The following NEB variants were observed in gnomAD, a reference collection of about 807,000 sequenced individuals.
The protein encoded by NEB is nebulin, also known as nemaline myopathy type 2.
In NEB, 512 loss-of-function variants were observed where a neutral mutation model predicts 952.2. The ratio of observed to expected loss-of-function variants is 0.54; its 90% CI spans 0.50 to 0.58. The LOEUF is 0.58. NEB is among the 20% of genes least tolerant of loss of function. The pLI is 0.00. For missense variants in NEB, 8,428 were observed against 9,231.1 expected (o/e 0.91, Z 3.56); for synonymous variants, 2,900 against 3,149.8 (o/e 0.92, Z 2.66).
At chr2:151,698,040 C>G (rs1035246858) in intron 13 of NEB, among the ~76,000 whole-genome samples, 1 of 151,476 alleles carries the variant, frequency 6.6e-6, no homozygotes, top group African/African-American at 2.4e-5. Flanking sequence ...CACTCCAGCC[C>G]GGGCGACAAT....
chr2:151,669,668 C>T (rs1443521299), intron 38 of NEB, among the ~76,000 whole-genome samples: 1 of 152,002 alleles, frequency 6.6e-6, no homozygotes, highest in Non-Finnish European at 1.5e-5. Flanking sequence ...GGGGGTGGAG[C>T]AGTATTAGAC....
intron 16 of NEB, 62 bp downstream of exon 16, chr2:151,697,086 A>G: frequency 7.9e-7 from 1 of 1,263,934 alleles, no homozygotes; most frequent in Non-Finnish European, 1.1e-6. Context: ...CATTTTAAAC[A>G]TATCCTGACC....
chr2:151,556,322 C>T (rs2095646445), intron 124 of NEB, among the ~76,000 whole-genome samples: 1 of 152,140 alleles, frequency 6.6e-6, no homozygotes. Context: ...CTAGCAGTCA[C>T]TACTCTTCTG....
At chr2:151,681,246 G>C (rs1163493166) in intron 29 of NEB, among the ~76,000 whole-genome samples, 1 of 152,210 alleles carries the variant, frequency 6.6e-6, no homozygotes, top group Non-Finnish European at 1.5e-5. Context: ...TCAGCAAATG[G>C]CATCAAGAAG....
intron 46 of NEB, among the ~76,000 whole-genome samples, chr2:151,659,830 C>T (rs1427035566): frequency 6.6e-6 from 1 of 152,102 alleles, no homozygotes; most frequent in Non-Finnish European, 1.5e-5. Context: ...ATATTTGAAC[C>T]TTCTTAAAAT....
chr2:151,502,676 G>A lies in NEB; in HGVS notation c.23928+117C>T, dbSNP rs932885315. ...AAATTAGATTTGGGTTGAAAACTGA[G>A]GTAATATTTGGTATCATTATTTTCA... is the stretch of plus-strand genomic sequence containing the variant. On this transcript the variant is annotated intron_variant, in intron 167 of 181. Coordinates refer to ENST00000397345, the MANE Select transcript of NEB (RefSeq NM_001164508.2). The A allele has an allele frequency of 7.3e-6, 5 of 680,880 alleles. No homozygotes were observed. In the Admixed American group the frequency reaches 7.5e-5, roughly 10 times the overall value. The allele number at this position is 680,880 out of a possible 1,614,324, so 42.2% of individuals were successfully genotyped here.
intron 153 of NEB, among the ~76,000 whole-genome samples, chr2:151,522,524 G>A (rs1576109408): frequency 6.6e-6 from 1 of 152,186 alleles, no homozygotes; most frequent in Admixed American, 6.5e-5. Context: ...CCTATTCCAA[G>A]TGGTATGTTC....
chr2:151,568,805 C>T, intron 110 of NEB, 89 bp from the exon 111 acceptor site: 1 of 918,708 alleles, frequency 1.1e-6, no homozygotes, highest in Non-Finnish European at 1.6e-6. Context: ...TCCTTCTCTA[C>T]TAGAAACATA....
At chr2:151,546,295 G>T in intron 134 of NEB, 50 bp downstream of exon 134, 2 of 1,418,580 alleles carry the variant, frequency 1.4e-6, no homozygotes, top group Non-Finnish European at 2.0e-6. Flanking sequence ...GGTGATGGGG[G>T]CATCCAGCTG....
chr2:151,617,403 T>C lies in NEB; in HGVS notation c.11142A>G (p.Glu3714=). 6.4e-7 allele frequency: 1 copy of C among 1,572,852 alleles called. No homozygotes were observed. The highest frequency in any genetic ancestry group is 2.3e-5 in the East Asian group (1 of 43,668). The change falls in exon 75 of 182, where the codon GAA becomes GAG. Residue 3714 remains glutamate, a synonymous_variant. Coordinates refer to ENST00000397345, the MANE Select transcript of NEB (RefSeq NM_001164508.2). ...TTCGGTTGAGTTTGGCTAACATGAT[T>C]TCTGGTGTATCAGGCATGACATGAA... The part of the protein sequence containing the change: ...KTIHVMPDTP[E]IMLAKLNRIN...
chr2:151,526,892 C>T (rs2086486092), intron 148 of NEB, 26 bp downstream of exon 148: 2 of 1,461,888 alleles, frequency 1.4e-6, no homozygotes, highest in South Asian at 1.2e-5. Flanking sequence ...TGAGGTTAGG[C>T]ATCATGGAAG....
intron 138 of NEB, among the ~76,000 whole-genome samples, chr2:151,539,927 A>G (rs9287982): frequency 0.65 from 98,417 of 152,034 alleles, 32,153 homozygotes; most frequent in East Asian, 0.78. Flanking sequence ...AATTCTCATT[A>G]TCATTCCACA....
chr2:151,717,089 C>T (rs896001319), intron 10 of NEB, among the ~76,000 whole-genome samples: 12 of 152,160 alleles, frequency 7.9e-5, no homozygotes, highest in Admixed American at 3.3e-4. Flanking sequence ...CAGCTCTTCA[C>T]GGAAGTGTGT....
chr2:151,671,293 T>G (rs2154191081), intron 37 of NEB, 64 bp from the exon 38 acceptor site: 1 of 1,344,394 alleles, frequency 7.4e-7, no homozygotes, highest in Non-Finnish European at 1.0e-6. Context: ...GTTTCTGGGA[T>G]CTGCAATTCT....
At chr2:151,671,987 A>G (rs571982094) in intron 37 of NEB, among the ~76,000 whole-genome samples, 1 of 29,776 alleles carries the variant, frequency 3.4e-5, no homozygotes, top group East Asian at 5.6e-4. Flanking sequence ...TTAATAAAGG[A>G]AAAAAAAAAA....
chr2:151,530,933 G>T (rs191891809), intron 145 of NEB, 61 bp downstream of exon 145: 4 of 1,111,608 alleles, frequency 3.6e-6, no homozygotes, highest in African/African-American at 3.1e-5. Flanking sequence ...ACCAGGGTTT[G>T]TTACATCTCA....
rs1253014770 is a variant in NEB at position 151,490,386 on chromosome 2, A to G, written c.25283T>C (p.Phe8428Ser). 6.3e-7 allele frequency: 1 copy of G among 1,591,054 alleles called. No individual in the cohort carries two copies. Among genetic ancestry groups the G allele is most frequent in the Admixed American group, 1.7e-5 (1 of 57,552 alleles). The part of the protein sequence containing the change: ...HLSTYSDGGV[F>S]AVSTAYKHAK... ...GGCACTTGTACCTGTTGAGACTGCA[A>G]AGACACCCCCGTCGCTGTAAGTCGA... Residue 8428 changes from phenylalanine (F) to serine (S), a missense_variant, in exon 180 of 182, where the codon TTT becomes TCT. By Grantham distance (155) the Phe-to-Ser change is radical (BLOSUM62 -2). Coordinates refer to ENST00000397345, the MANE Select transcript of NEB (RefSeq NM_001164508.2).
intron 42 of NEB, 41 bp downstream of exon 42, chr2:151,665,292 C>A: frequency 6.3e-7 from 1 of 1,588,402 alleles, no homozygotes. Context: ...TCATGAACAC[C>A]ATGAGGGTTC....
At chr2:151,623,537 A>T (rs2098457966) in intron 71 of NEB, among the ~76,000 whole-genome samples, 1 of 152,154 alleles carries the variant, frequency 6.6e-6, no homozygotes, top group African/African-American at 2.4e-5. Flanking sequence ...TATGCTACAG[A>T]TGCATTTAAT....
Sources: gnomAD v4.1 joint callset for allele counts (sites outside exome capture counted in the v4.1 genomes callset) on GRCh38, gnomAD v4.1.1 for gene constraint, MANE v1.5 for transcripts, NCBI Gene and HGNC (gene_info 2026-07-23, HGNC 2026-07-21) for gene names.